The following THSD4 variants were observed in gnomAD, a reference collection of about 807,000 sequenced individuals.
The protein encoded by THSD4 is thrombospondin type-1 domain-containing protein 4.
THSD4 carries 69 observed loss-of-function variants against 119.0 expected under a neutral mutation model. That is an observed-to-expected ratio of 0.58 (90% CI 0.48 to 0.71). The LOEUF (loss-of-function observed/expected upper bound fraction) is 0.71, where lower values mean the gene tolerates loss of function less well. THSD4 is among the 30% of genes least tolerant of loss of function. The pLI, the probability that THSD4 is intolerant of heterozygous loss-of-function variation, is 0.00. For synonymous variants in THSD4, 524 were observed against 540.4 expected (o/e 0.97, Z 0.42); for missense variants, 1,393 against 1,391.1 (o/e 1.00, Z -0.02).
intron 6 of THSD4, among the ~76,000 whole-genome samples, chr15:71,262,121 A>T (rs1387674277): frequency 6.6e-6 from 1 of 152,188 alleles, no homozygotes; most frequent in East Asian, 1.9e-4. Flanking sequence ...AGCTGCGCTC[A>T]TTCAGTGCAA....
rs536868519 is a variant in THSD4, at chr15:71,664,430, A to G, written c.1357+3696A>G. Among the ~76,000 whole-genome samples the G allele has an allele frequency of 7.4e-5, 11 of 149,614 alleles. No homozygotes were observed. In the South Asian group the frequency reaches 2.2e-3, roughly 30 times the overall value. ...ACTGATTCCCCAGTAACAATAGAAA[A>G]TAGATTTCTATGAAAAAGGCAGACT... On this transcript the variant is annotated intron_variant, in intron 8 of 17. Transcript: ENST00000261862.
intron 7 of THSD4, among the ~76,000 whole-genome samples, chr15:71,635,130 T>C (rs2050714901): frequency 6.6e-6 from 1 of 152,212 alleles, no homozygotes; most frequent in South Asian, 2.1e-4. Context: ...AAGGCCAGAT[T>C]TGAAGCTCTC....
At chr15:71,755,732 A>T (rs1025024431) in intron 14 of THSD4, among the ~76,000 whole-genome samples, 4 of 144,402 alleles carry the variant, frequency 2.8e-5, no homozygotes, top group Non-Finnish European at 5.9e-5. Context: ...AAAAAAAAAA[A>T]AGACAGGACA....
In THSD4 at chr15:71,777,560, A is replaced by G; in HGVS notation, c.*186A>G. ...AGGGGCTTTTTACACAAGATGTTTG[A>G]AAGCCACAGTCAGTCCTTTAAGCAT... is the stretch of plus-strand genomic sequence containing the variant. On this transcript the variant is annotated 3_prime_UTR_variant, in exon 18 of 18. Coordinates refer to ENST00000261862, the MANE Select transcript of THSD4 (RefSeq NM_024817.3). The G allele has an allele frequency of 1.4e-6, 1 of 721,440 alleles. No individual in the cohort carries two copies. 44.7% of individuals were successfully genotyped at this position (721,440 alleles called of 1,614,324 possible).
chr15:71,694,572 A>G lies in THSD4; in HGVS notation c.1357+33838A>G, dbSNP rs186240320. Among the ~76,000 whole-genome samples the G allele has an allele frequency of 3.9e-3, 591 of 152,318 alleles. 5 individuals are homozygous for G. The highest frequency in any genetic ancestry group is 0.013 in the African/African-American group (556 of 41,568). On this transcript the variant is annotated intron_variant, in intron 8 of 17. Coordinates refer to ENST00000261862, the MANE Select transcript of THSD4 (RefSeq NM_024817.3). Reference sequence around the variant, plus strand: ...TTGGGAATTCATATGCAATTGTAAGAAATAATGTGTTATTTCAGATTTTAA... The same window carrying G: ...TTGGGAATTCATATGCAATTGTAAGGAATAATGTGTTATTTCAGATTTTAA...
chr15:71,104,564 C>G (rs2040266419), intron 1 of THSD4, among the ~76,000 whole-genome samples: 1 of 152,164 alleles, frequency 6.6e-6, no homozygotes, highest in Admixed American at 6.6e-5. Context: ...TATGAGTGAC[C>G]ATGGCCTAGA....
At chr15:71,357,991 A>T (rs1342649466) in intron 6 of THSD4, among the ~76,000 whole-genome samples, 1 of 152,186 alleles carries the variant, frequency 6.6e-6, no homozygotes, top group Non-Finnish European at 1.5e-5. Flanking sequence ...GTCTGTGAAG[A>T]CTGTGGGACT....
intron 7 of THSD4, among the ~76,000 whole-genome samples, chr15:71,625,010 G>C (rs2050482568): frequency 6.6e-6 from 1 of 151,870 alleles, no homozygotes; most frequent in Non-Finnish European, 1.5e-5. Context: ...TTGTTTGTTT[G>C]TTTGTTTGTT....
intron 7 of THSD4, among the ~76,000 whole-genome samples, chr15:71,519,707 G>A (rs1443637968): frequency 6.6e-6 from 1 of 152,228 alleles, no homozygotes. Flanking sequence ...GTATGGAACA[G>A]AGTGTACAGT....
chr15:71,585,569 T>C (rs1307234688), intron 7 of THSD4, among the ~76,000 whole-genome samples: 2 of 152,044 alleles, frequency 1.3e-5, no homozygotes, highest in African/African-American at 2.4e-5. Context: ...TCTCTTAAGG[T>C]TCAGTCTGTT....
intron 4 of THSD4, among the ~76,000 whole-genome samples, chr15:71,237,299 C>T (rs1419768352): frequency 1.3e-5 from 2 of 152,214 alleles, no homozygotes; most frequent in African/African-American, 4.8e-5. Context: ...AATGCAGATT[C>T]TCAGGCCGTG....
intron 6 of THSD4, among the ~76,000 whole-genome samples, chr15:71,393,770 C>T (rs1341107066): frequency 6.6e-6 from 1 of 152,074 alleles, no homozygotes; most frequent in African/African-American, 2.4e-5. Flanking sequence ...TGAAAGAAGC[C>T]CCAGAGGAGT....
At chr15:71,664,118 G>A (rs4777431) in intron 8 of THSD4, among the ~76,000 whole-genome samples, 1 of 151,950 alleles carries the variant, frequency 6.6e-6, no homozygotes, top group Non-Finnish European at 1.5e-5. Context: ...GAGTAGCTGG[G>A]ACTACAGGCG....
At chr15:71,461,061 T>C (rs963115073) in intron 7 of THSD4, among the ~76,000 whole-genome samples, 2 of 152,324 alleles carry the variant, frequency 1.3e-5, no homozygotes, top group African/African-American at 4.8e-5. Flanking sequence ...TTTCTGTGAC[T>C]CTAGAATTCA....
intron 6 of THSD4, among the ~76,000 whole-genome samples, chr15:71,320,200 A>T (rs2045248008): frequency 6.6e-6 from 1 of 152,226 alleles, no homozygotes; most frequent in South Asian, 2.1e-4. Flanking sequence ...ATCATTCTGC[A>T]GTCACTCATG....
intron 3 of THSD4, among the ~76,000 whole-genome samples, chr15:71,199,148 G>A (rs2043746008): frequency 6.6e-6 from 1 of 152,136 alleles, no homozygotes; most frequent in South Asian, 2.1e-4. Flanking sequence ...ATACCACTCG[G>A]GGTCCCCATG....
rs1291659078 is a variant in THSD4 at position 71,294,852 on chromosome 15, C to T, written c.1015+38137C>T. Among the ~76,000 whole-genome samples, 8 of 150,322 alleles carry T rather than the reference C, an allele frequency of 5.3e-5. No individual in the cohort carries two copies. In the South Asian group the frequency reaches 6.3e-4, roughly 12 times the overall value. On this transcript the variant is annotated intron_variant, in intron 6 of 17. Coordinates refer to ENST00000261862, the MANE Select transcript of THSD4 (RefSeq NM_024817.3). ...ACCACGCCCAATCCAGTATTTGATG[C>T]GTCGGTGGTCACTCGGAAGGTTGTT...
chr15:71,245,716 C>A (rs891000792), intron 5 of THSD4, among the ~76,000 whole-genome samples: 5 of 152,118 alleles, frequency 3.3e-5, no homozygotes, highest in African/African-American at 9.7e-5. Context: ...ACATAGGCAC[C>A]CTCTGCCTGC....
At chr15:71,534,199 C>G (rs1443247315) in intron 7 of THSD4, among the ~76,000 whole-genome samples, 4 of 152,204 alleles carry the variant, frequency 2.6e-5, no homozygotes, top group Non-Finnish European at 4.4e-5. Context: ...ATCCTCCCAC[C>G]TCAGCCTCCC....
Sources: gnomAD v4.1 joint callset for allele counts (sites outside exome capture counted in the v4.1 genomes callset) on GRCh38, gnomAD v4.1.1 for gene constraint, MANE v1.5 for transcripts, NCBI Gene and HGNC (gene_info 2026-07-23, HGNC 2026-07-21) for gene names.